MYLK4: variants seen among roughly 807,000 people sequenced by gnomAD.
MYLK4 encodes caMLCK like.
Under a neutral mutation model 48.1 loss-of-function variants are expected in MYLK4, and 46 were observed. That is an observed-to-expected ratio of 0.96 (90% CI 0.75 to 1.22). The LOEUF (loss-of-function observed/expected upper bound fraction) is 1.22, where lower values mean the gene tolerates loss of function less well. Ranked by LOEUF, MYLK4 falls within the 50% of genes most tolerant of loss-of-function variation. MYLK4 has a pLI of 0.00. For missense variants in MYLK4, 451 were observed against 486.1 expected, an observed-to-expected ratio of 0.93 and a Z score of 0.68; for synonymous variants, 170 against 180.8, an observed-to-expected ratio of 0.94 and a Z score of 0.48.
In MYLK4 at chr6:2,698,497, T is replaced by A. The variant is rs1158164331; in HGVS notation, c.160-5638A>T. 2.0e-5 allele frequency among the ~76,000 whole-genome samples: 3 copies of A among 152,266 alleles called. No individual in the cohort carries two copies. In the East Asian group the frequency reaches 5.8e-4, roughly 29 times the overall value. On this transcript the variant is annotated intron_variant, in intron 2 of 12. Transcript: ENST00000274643. ...GTCTTTTCTTGCTAGCAGAGGACGC[T>A]GGGTCATGTACCCTGAATAACAGTT...
chr6:2,671,204 A>G, intron 12 of MYLK4, 72 bp downstream of exon 12: 1 of 1,077,634 alleles, frequency 9.3e-7, no homozygotes, highest in East Asian at 2.4e-5. Context: ...CTGTGAGCAA[A>G]TGCTCCATTT....
At chr6:2,704,241 A>C (rs17135501) in intron 2 of MYLK4, among the ~76,000 whole-genome samples, 5,065 of 152,258 alleles carry the variant, frequency 0.033, 214 homozygotes, top group East Asian at 0.24. Context: ...ATTTTTGTCA[A>C]GGGCTGCCAT....
intron 2 of MYLK4, among the ~76,000 whole-genome samples, chr6:2,741,916 T>C (rs1487391438): frequency 1.3e-5 from 2 of 152,214 alleles, no homozygotes; most frequent in Non-Finnish European, 2.9e-5. Flanking sequence ...TGAAAGCCCT[T>C]AGTATTTCCC....
At position 2,698,494 on chromosome 6, in the gene MYLK4, C is replaced by T. The variant is rs140988067; in HGVS notation, c.160-5635G>A. On this transcript the variant is annotated intron_variant, in intron 2 of 12. Transcript: ENST00000274643. ...AGAGTCTTTTCTTGCTAGCAGAGGA[C>T]GCTGGGTCATGTACCCTGAATAACA... 2.4e-4 allele frequency among the ~76,000 whole-genome samples: 37 copies of T among 152,270 alleles called. 1 individual carries two copies. In the South Asian group the frequency reaches 4.3e-3, roughly 18 times the overall value.
intron 2 of MYLK4, among the ~76,000 whole-genome samples, chr6:2,736,020 G>A (rs1344401641): frequency 6.6e-6 from 1 of 152,132 alleles, no homozygotes; most frequent in Non-Finnish European, 1.5e-5. Flanking sequence ...AAGGGGATTT[G>A]AATTTGGGCC....
At chr6:2,765,486 C>A in the MYLK4 span, 1 of 1,153,396 alleles carries the variant, frequency 8.7e-7, no homozygotes, top group Non-Finnish European at 1.1e-6. Flanking sequence ...GCGGCGCCCT[C>A]CTCCGGCCCG....
rs771770248 is a variant in MYLK4, at chr6:2,675,122, C to T, written c.1044G>A (p.Trp348Ter). The change falls in exon 11 of 13, where the codon TGG becomes TGA. Residue 348 changes from tryptophan to a stop codon, truncating the protein, a stop_gained. Coordinates refer to ENST00000274643, the MANE Select transcript of MYLK4 (RefSeq NM_001012418.5). LOFTEE classifies it high-confidence loss of function. ...ISKLLIKEKS[W>*]RISASEALKH... is the part of the protein sequence containing the mutation. ...TGAGAGCTTCGCTTGCACTTATTCGCCAACTAGAAGGAAATTCAGAAGGTG... is the reference window on the plus strand; with the variant it reads ...TGAGAGCTTCGCTTGCACTTATTCGTCAACTAGAAGGAAATTCAGAAGGTG... 3 of 1,613,282 alleles carry T rather than the reference C, an allele frequency of 1.9e-6. No homozygotes were observed. Among genetic ancestry groups the T allele is most frequent in the Non-Finnish European group, 1.7e-6 (2 of 1,179,360 alleles).
chr6:2,762,905 A>C, the MYLK4 span, among the ~76,000 whole-genome samples: 1 of 152,202 alleles, frequency 6.6e-6, no homozygotes, highest in African/African-American at 2.4e-5. Flanking sequence ...TAAAGCTACA[A>C]GTCTCCACAG....
intron 2 of MYLK4, among the ~76,000 whole-genome samples, chr6:2,739,104 C>T (rs1055701527): frequency 2.6e-5 from 4 of 152,172 alleles, no homozygotes; most frequent in Middle Eastern, 6.3e-3. Context: ...AACTTTGAGC[C>T]AATTCCTGAC....
intron 2 of MYLK4, among the ~76,000 whole-genome samples, chr6:2,695,143 C>T (rs1336466815): frequency 2.0e-5 from 3 of 152,096 alleles, no homozygotes; most frequent in African/African-American, 4.8e-5. Context: ...CCAAATTAGT[C>T]GAATAAGACA....
At chr6:2,694,492 T>C in intron 2 of MYLK4, among the ~76,000 whole-genome samples, 1 of 41,820 alleles carries the variant, frequency 2.4e-5, no homozygotes. Flanking sequence ...GTAGTGGTCA[T>C]GGTGGTGGTG....
chr6:2,753,596 A>G (rs1179165466), upstream of MYLK4, among the ~76,000 whole-genome samples: 1 of 152,224 alleles, frequency 6.6e-6, no homozygotes, highest in Non-Finnish European at 1.5e-5. Flanking sequence ...TGAAAATGAA[A>G]AGACCAGCTA....
chr6:2,768,872 A>G, the MYLK4 span: 10 of 1,610,316 alleles, frequency 6.2e-6, no homozygotes, highest in Non-Finnish European at 8.5e-6. Context: ...CGGTTCAATA[A>G]ATCTCAGCAG....
chr6:2,671,030 C>T (rs565467557), intron 12 of MYLK4, among the ~76,000 whole-genome samples: 16 of 152,086 alleles, frequency 1.1e-4, no homozygotes, highest in African/African-American at 2.2e-4. Flanking sequence ...TGAATGATCT[C>T]GTGGGAGCCA....
At chr6:2,760,871 G>A in the MYLK4 span, among the ~76,000 whole-genome samples, 12 of 152,178 alleles carry the variant, frequency 7.9e-5, no homozygotes, top group African/African-American at 2.9e-4. Flanking sequence ...TCCAGAAGAT[G>A]TAGTGGAAAG....
At chr6:2,752,807 C>T (rs1288774867), upstream of MYLK4, among the ~76,000 whole-genome samples, 2 of 152,152 alleles carry the variant, frequency 1.3e-5, no homozygotes, top group African/African-American at 2.4e-5. Flanking sequence ...ATTGTGTCTA[C>T]TTGCCCTAAA....
the MYLK4 span, chr6:2,768,723 C>G: frequency 1.9e-6 from 3 of 1,612,172 alleles, no homozygotes; most frequent in South Asian, 3.3e-5. Flanking sequence ...CCAGCAACAG[C>G]AAGAAACATA....
At chr6:2,694,578 C>CTGCTGGTGGTGG (rs1286503642) in intron 2 of MYLK4, among the ~76,000 whole-genome samples, 2 of 46,168 alleles carry the variant, frequency 4.3e-5, no homozygotes, top group Non-Finnish European at 9.0e-5. Context: ...GGTAGTGCTG[C>CTGCTGGTGGTGG]TGGTGGTGGT....
chr6:2,678,855 C>A (rs999852167), intron 9 of MYLK4, among the ~76,000 whole-genome samples: 5 of 152,012 alleles, frequency 3.3e-5, no homozygotes, highest in Non-Finnish European at 5.9e-5. Flanking sequence ...AGGTGCATGC[C>A]ACCACGCACG....
Sources: gnomAD v4.1 joint callset for allele counts (sites outside exome capture counted in the v4.1 genomes callset) on GRCh38, gnomAD v4.1.1 for gene constraint, MANE v1.5 for transcripts, NCBI Gene and HGNC (gene_info 2026-07-23, HGNC 2026-07-21) for gene names.